Variants in MIPOL1 observed in about 807,000 individuals in gnomAD.
The protein encoded by MIPOL1 is mirror-image polydactyly gene 1 protein.
A neutral mutation model predicts 60.9 loss-of-function variants in MIPOL1; 57 were observed. That is an observed-to-expected ratio of 0.94 (90% CI 0.76 to 1.17). The LOEUF (loss-of-function observed/expected upper bound fraction) is 1.17, where lower values mean the gene tolerates loss of function less well. MIPOL1 is among the 50% of genes most tolerant of loss of function. The pLI is 0.00. For synonymous variants in MIPOL1, 179 were observed against 168.8 expected, an observed-to-expected ratio of 1.06 and a Z score of -0.47; for missense variants, 551 against 511.6, an observed-to-expected ratio of 1.08 and a Z score of -0.74.
At chr14:37,395,605 C>G (rs2093356655) in intron 10 of MIPOL1, among the ~76,000 whole-genome samples, 1 of 152,070 alleles carries the variant, frequency 6.6e-6, no homozygotes, top group Non-Finnish European at 1.5e-5. Context: ...GTACATTAAT[C>G]TTGTGTCTAG....
intron 11 of MIPOL1, among the ~76,000 whole-genome samples, chr14:37,463,683 C>G (rs768229276): frequency 3.9e-5 from 6 of 152,040 alleles, no homozygotes; most frequent in Admixed American, 1.3e-4. Context: ...AAAACTCTTC[C>G]GGACATCAGC....
chr14:37,392,277 T>C (rs901324531), intron 10 of MIPOL1, among the ~76,000 whole-genome samples: 5 of 152,188 alleles, frequency 3.3e-5, no homozygotes, highest in African/African-American at 1.2e-4. Context: ...AACATATGGA[T>C]TTTGCACATT....
intron 6 of MIPOL1, among the ~76,000 whole-genome samples, chr14:37,275,940 C>T (rs1010676845): frequency 6.6e-6 from 1 of 151,134 alleles, no homozygotes; most frequent in Non-Finnish European, 1.5e-5. Context: ...TTTGCAGACA[C>T]ATTTCTTATT....
chr14:37,484,995 C>T (rs114843847), intron 11 of MIPOL1, among the ~76,000 whole-genome samples: 203 of 152,208 alleles, frequency 1.3e-3, no homozygotes, highest in African/African-American at 4.8e-3. Flanking sequence ...CCTCCCCTTC[C>T]CCTCCACCCC....
chr14:37,265,964 G>A (rs2082843691), intron 3 of MIPOL1, among the ~76,000 whole-genome samples: 1 of 152,066 alleles, frequency 6.6e-6, no homozygotes, highest in Non-Finnish European at 1.5e-5. Context: ...CACACAGTAT[G>A]GGTTCTTTAA....
intron 11 of MIPOL1, among the ~76,000 whole-genome samples, chr14:37,480,995 G>A (rs1457457471): frequency 1.3e-5 from 2 of 152,034 alleles, no homozygotes; most frequent in African/African-American, 2.4e-5. Context: ...TAAAAAAATA[G>A]CCAGGCATGT....
intron 11 of MIPOL1, among the ~76,000 whole-genome samples, chr14:37,453,499 T>C (rs1255819137): frequency 1.3e-5 from 2 of 152,142 alleles, no homozygotes; most frequent in Non-Finnish European, 2.9e-5. Context: ...GAAGGTATAT[T>C]ATGGCTGGAA....
intron 11 of MIPOL1, among the ~76,000 whole-genome samples, chr14:37,490,302 A>G (rs1269797745): frequency 6.6e-6 from 1 of 152,092 alleles, no homozygotes; most frequent in African/African-American, 2.4e-5. Flanking sequence ...CCCCCTCCCC[A>G]TACCAAGCTG....
At chr14:37,491,084 T>C (rs2095041108) in intron 11 of MIPOL1, among the ~76,000 whole-genome samples, 1 of 152,230 alleles carries the variant, frequency 6.6e-6, no homozygotes, top group Admixed American at 6.5e-5. Context: ...CTGAGAACTA[T>C]ACAGTGGTAT....
At chr14:37,285,255 C>T in intron 6 of MIPOL1, 63 bp from the exon 7 acceptor site, 1 of 1,565,016 alleles carries the variant, frequency 6.4e-7, no homozygotes, top group Non-Finnish European at 8.7e-7. Flanking sequence ...TTTATTTTTG[C>T]TAAAGGTATA....
At chr14:37,469,768 A>T (rs1489680677) in intron 11 of MIPOL1, among the ~76,000 whole-genome samples, 2 of 151,866 alleles carry the variant, frequency 1.3e-5, no homozygotes, top group Admixed American at 6.6e-5. Context: ...GTGCACTCCT[A>T]AAAAAAAGGA....
intron 11 of MIPOL1, among the ~76,000 whole-genome samples, chr14:37,471,232 C>A (rs183711959): frequency 1.2e-3 from 176 of 152,232 alleles, no homozygotes; most frequent in African/African-American, 4.2e-3. Context: ...ATGAGATGAT[C>A]CCAAACCAGG....
In MIPOL1 at chr14:37,391,129, C is replaced by CA. The variant is rs577240331; in HGVS notation, c.936+21514dup. 2.6e-3 allele frequency among the ~76,000 whole-genome samples: 393 copies of CA among 149,344 alleles called. 2 individuals are homozygous for CA. Among genetic ancestry groups the CA allele is most frequent in the Middle Eastern group, 6.8e-3 (2 of 294 alleles). On this transcript the variant is annotated intron_variant, in intron 10 of 12. Transcript: ENST00000684589. ...GATTAGAATAACATTGTTAAAGCTC[C>CA]AAAAAAAAAGCCAGTGTAAAATTCT...
At chr14:37,448,199 CT>C (rs2153572361) in intron 11 of MIPOL1, among the ~76,000 whole-genome samples, 1 of 152,142 alleles carries the variant, frequency 6.6e-6, no homozygotes, top group East Asian at 1.9e-4. Flanking sequence ...GCTAATAGTC[CT>C]TTATAACCCT....
At chr14:37,234,942 ATTTTTT>A (rs5807941) in intron 1 of MIPOL1, among the ~76,000 whole-genome samples, 30 of 116,832 alleles carry the variant, frequency 2.6e-4, no homozygotes, top group South Asian at 9.1e-4. Context: ...CGTACGGCTA[ATTTTTT>A]TTTTTTTTTT....
At chr14:37,497,771 G>T (rs577773330) in intron 11 of MIPOL1, among the ~76,000 whole-genome samples, 116 of 152,318 alleles carry the variant, frequency 7.6e-4, no homozygotes, top group African/African-American at 2.7e-3. Flanking sequence ...GCATTTGACA[G>T]TGCCATTCTG....
At chr14:37,523,459 T>G (rs373591657) in intron 12 of MIPOL1, 9 of 372,924 alleles carry the variant, frequency 2.4e-5, no homozygotes, top group South Asian at 1.1e-4. Context: ...AATATTAGAG[T>G]TTTTTTTTTC....
intron 9 of MIPOL1, among the ~76,000 whole-genome samples, chr14:37,358,607 A>C (rs2092011647): frequency 6.6e-6 from 1 of 152,024 alleles, no homozygotes; most frequent in African/African-American, 2.4e-5. Context: ...GCATTTTTTC[A>C]TGTGTCTGTG....
At chr14:37,390,558 A>G (rs2093209350) in intron 10 of MIPOL1, among the ~76,000 whole-genome samples, 1 of 152,156 alleles carries the variant, frequency 6.6e-6, no homozygotes, top group South Asian at 2.1e-4. Flanking sequence ...GAGAAATAAG[A>G]GAAAATAAAT....
Sources: gnomAD v4.1 joint callset for allele counts (sites outside exome capture counted in the v4.1 genomes callset) on GRCh38, gnomAD v4.1.1 for gene constraint, MANE v1.5 for transcripts, NCBI Gene and HGNC (gene_info 2026-07-23, HGNC 2026-07-21) for gene names.